PKHD1: variants seen among roughly 807,000 people sequenced by gnomAD.
PKHD1 encodes the protein fibrocystin.
In PKHD1, 291 loss-of-function variants were observed where a neutral mutation model predicts 412.0. That is an observed-to-expected ratio of 0.71 (90% CI 0.64 to 0.78). PKHD1 has a LOEUF of 0.78. Ranked by LOEUF, PKHD1 falls within the 30% of genes least tolerant of loss-of-function variation. The pLI, the probability that PKHD1 is intolerant of heterozygous loss-of-function variation, is 0.00. For missense variants in PKHD1, 4,825 were observed against 4,950.7 expected (o/e 0.97, Z 0.76); for synonymous variants, 1,777 against 1,821.5 (o/e 0.98, Z 0.62).
chr6:51,632,677 C>G lies in PKHD1; in HGVS notation c.11553G>C (p.Val3851=). The G allele has an allele frequency of 1.2e-6, 2 of 1,613,556 alleles. No homozygotes were observed. Among genetic ancestry groups the G allele is most frequent in the Non-Finnish European group, 1.7e-6 (2 of 1,179,670 alleles). The change falls in exon 65 of 67, where the codon GTG becomes GTC. Residue 3851 remains valine (V), a synonymous_variant. Coordinates refer to ENST00000371117, the MANE Select transcript of PKHD1 (RefSeq NM_138694.4). ...ARSKPFAVLP[V]TRKEKSTIIL... The stretch of plus-strand genomic sequence containing the variant: ...TGATGGTCGACTTCTCCTTCCTAGT[C>G]ACAGGCAAGACAGCAAATGGCTTGG...
At chr6:51,721,427 CAATAT>C in intron 60 of PKHD1, 1 of 573,738 alleles carries the variant, frequency 1.7e-6, no homozygotes, top group Non-Finnish European at 2.2e-6. Context: ...AATAATATCT[CAATAT>C]AATTGGTAAA....
intron 54 of PKHD1, among the ~76,000 whole-genome samples, chr6:51,775,512 T>G (rs1420953902): frequency 6.6e-6 from 1 of 151,946 alleles, no homozygotes; most frequent in East Asian, 1.9e-4. Context: ...GTTGATAATA[T>G]TGACTCAGTC....
chr6:51,903,416 A>AT (rs1191045160), intron 43 of PKHD1, among the ~76,000 whole-genome samples, 181 bp downstream of exon 43: 1 of 151,864 alleles, frequency 6.6e-6, no homozygotes, highest in South Asian at 2.1e-4. Flanking sequence ...TTGTTTTACA[A>AT]TTTTTTTTCA....
At chr6:51,813,615 C>A (rs1234441649) in intron 52 of PKHD1, among the ~76,000 whole-genome samples, 2 of 151,930 alleles carry the variant, frequency 1.3e-5, no homozygotes, top group African/African-American at 4.8e-5. Flanking sequence ...ATTCAAGTAA[C>A]CTGGGATCTT....
intron 60 of PKHD1, among the ~76,000 whole-genome samples, chr6:51,724,685 T>C (rs2150849007): frequency 6.6e-6 from 1 of 152,344 alleles, no homozygotes; most frequent in South Asian, 2.1e-4. Context: ...TCAGTATCTA[T>C]GAATGTTATC....
intron 53 of PKHD1, among the ~76,000 whole-genome samples, chr6:51,781,145 T>C (rs946056166): frequency 3.3e-5 from 5 of 152,152 alleles, no homozygotes; most frequent in African/African-American, 7.2e-5. Flanking sequence ...TACTATCATA[T>C]AAACCCAAGC....
intron 60 of PKHD1, among the ~76,000 whole-genome samples, chr6:51,707,307 C>T (rs1266828263): frequency 6.6e-6 from 1 of 152,100 alleles, no homozygotes; most frequent in Non-Finnish European, 1.5e-5. Context: ...CTGCAAAAGG[C>T]CCTCTAGCCT....
At chr6:51,631,939 C>CTT (rs1196969455) in intron 65 of PKHD1, among the ~76,000 whole-genome samples, 10 of 130,028 alleles carry the variant, frequency 7.7e-5, no homozygotes, top group Non-Finnish European at 1.2e-4. Flanking sequence ...TTTTTTTTTT[C>CTT]TTTTTTTTTT....
rs1367495485 is a variant in PKHD1 at position 51,632,737 on chromosome 6, A to C, written c.11507-14T>G. On this transcript the variant is annotated splice_polypyrimidine_tract_variant and intron_variant, in intron 64 of 66. Coordinates refer to ENST00000371117, the MANE Select transcript of PKHD1 (RefSeq NM_138694.4). ...TAAAATTGACTCCTGTGGCGGGGAA[A>C]AGAAGATGTTTCAATGATATGTTAA... 9.9e-6 allele frequency: 16 copies of C among 1,608,840 alleles called. No individual in the cohort carries two copies. Among genetic ancestry groups the C allele is most frequent in the Non-Finnish European group, 1.4e-5 (16 of 1,175,716 alleles).
chr6:52,086,974 A>T (rs1812883841), intron 1 of PKHD1, among the ~76,000 whole-genome samples: 1 of 152,194 alleles, frequency 6.6e-6, no homozygotes, highest in African/African-American at 2.4e-5. Flanking sequence ...CAATCTGGCT[A>T]CGTGATTTTA....
chr6:52,052,765 G>A (rs1807068213), intron 21 of PKHD1, among the ~76,000 whole-genome samples: 1 of 152,170 alleles, frequency 6.6e-6, no homozygotes, highest in Non-Finnish European at 1.5e-5. Context: ...ATCTAATGAA[G>A]TAGGGTCCTT....
chr6:52,072,057 TG>T (rs1368082645), intron 8 of PKHD1, 57 bp downstream of exon 8: 1 of 938,390 alleles, frequency 1.1e-6, no homozygotes, highest in African/African-American at 1.6e-5. Flanking sequence ...GTGTGTGTGT[TG>T]TATCCATGTG....
At chr6:52,048,439 TGTGA>T (rs1458605964) in intron 23 of PKHD1, 49 bp downstream of exon 23, 12 of 1,568,232 alleles carry the variant, frequency 7.7e-6, no homozygotes, top group East Asian at 6.7e-5. Flanking sequence ...CCCTTGGGAA[TGTGA>T]GTGAGAATAT....
At position 51,788,566 on chromosome 6, in the gene PKHD1, C is replaced by G. The variant is rs562462414; in HGVS notation, c.8440+2670G>C. 3.9e-5 allele frequency among the ~76,000 whole-genome samples: 6 copies of G among 151,940 alleles called. No individual in the cohort carries two copies. The South Asian group carries it at 1.3e-3, about 32-fold the overall frequency. ...TTCCTTCCATGTACTGGTTAAATCC[C>G]AGCCATACAAAGGCCATGCCTCTGG... On this transcript the variant is annotated intron_variant, in intron 53 of 66. Transcript: ENST00000371117.
At chr6:51,806,274 T>C (rs1763773170) in intron 52 of PKHD1, among the ~76,000 whole-genome samples, 1 of 151,800 alleles carries the variant, frequency 6.6e-6, no homozygotes. Flanking sequence ...ATGATGCATA[T>C]ATTAGGGTGG....
At chr6:51,755,450 AC>A (rs1469311543) in intron 55 of PKHD1, among the ~76,000 whole-genome samples, 1 of 152,114 alleles carries the variant, frequency 6.6e-6, no homozygotes, top group African/African-American at 2.4e-5. Context: ...CAGCTGTGTG[AC>A]CTTGAGAAGT....
At chr6:51,764,236 A>G (rs1432971027) in intron 55 of PKHD1, among the ~76,000 whole-genome samples, 6 of 150,024 alleles carry the variant, frequency 4.0e-5, no homozygotes, top group African/African-American at 7.3e-5. Context: ...AAACAACCCA[A>G]TCAAAAAGTG....
chr6:51,891,292 T>G (rs1779080905), intron 43 of PKHD1, among the ~76,000 whole-genome samples: 2 of 152,164 alleles, frequency 1.3e-5, no homozygotes, highest in South Asian at 4.1e-4. Context: ...TTTGTTTTCT[T>G]TTTTGAGATG....
intron 60 of PKHD1, among the ~76,000 whole-genome samples, chr6:51,676,824 G>A (rs1775926201): frequency 6.6e-6 from 1 of 152,104 alleles, no homozygotes. Context: ...AGAAATAATA[G>A]AGAAAAACTG....
Sources: gnomAD v4.1 joint callset for allele counts (sites outside exome capture counted in the v4.1 genomes callset) on GRCh38, gnomAD v4.1.1 for gene constraint, MANE v1.5 for transcripts, NCBI Gene and HGNC (gene_info 2026-07-23, HGNC 2026-07-21) for gene names.